The following PREX2 variants were observed in gnomAD, a reference collection of about 807,000 sequenced individuals.
PREX2 encodes the protein phosphatidylinositol-3,4,5-trisphosphate dependent Rac exchange factor 2.
Under a neutral mutation model 203.2 loss-of-function variants are expected in PREX2, and 107 were observed. The ratio of observed to expected loss-of-function variants is 0.53; its 90% confidence interval spans 0.45 to 0.62. The LOEUF is 0.62. Among genes scored for constraint, PREX2 ranks in the 20% least tolerant of loss-of-function variants. The pLI is 0.00. For missense variants in PREX2, 1,777 were observed against 1,955.9 expected (o/e 0.91, Z 1.72); for synonymous variants, 672 against 663.6 (o/e 1.01, Z -0.19).
intron 23 of PREX2, chr8:68,103,551 T>G: frequency 1.9e-6 from 1 of 518,930 alleles, no homozygotes; most frequent in Non-Finnish European, 3.8e-6. Context: ...ACTGTTCCCT[T>G]TCTTTGATCT....
At chr8:68,027,126 T>C (rs1807742397) in intron 4 of PREX2, 96 bp from the exon 5 acceptor site, 1 of 838,830 alleles carries the variant, frequency 1.2e-6, no homozygotes. Context: ...TATGAAGACA[T>C]ATGCTTTCAC....
intron 11 of PREX2, among the ~76,000 whole-genome samples, 174 bp from the exon 12 acceptor site, chr8:68,068,859 C>A (rs1276552042): frequency 6.6e-6 from 1 of 151,866 alleles, no homozygotes; most frequent in African/African-American, 2.4e-5. Flanking sequence ...AAAATATTAT[C>A]ATGAATCTTG....
chr8:68,127,523 A>T, intron 31 of PREX2, 104 bp downstream of exon 31: 1 of 739,672 alleles, frequency 1.4e-6, no homozygotes, highest in South Asian at 1.7e-5. Context: ...TTTACAAAAT[A>T]GAAATATGAT....
At chr8:68,087,938 C>G (rs1809749185) in intron 19 of PREX2, 129 bp downstream of exon 19, 4 of 720,876 alleles carry the variant, frequency 5.5e-6, no homozygotes, top group Non-Finnish European at 1.0e-5. Context: ...ACTGTATTAA[C>G]TCAATGGTAG....
chr8:68,126,300 A>C (rs950283269), intron 30 of PREX2, among the ~76,000 whole-genome samples: 1 of 152,134 alleles, frequency 6.6e-6, no homozygotes, highest in African/African-American at 2.4e-5. Flanking sequence ...CTTCACCTGT[A>C]TATAGGATTT....
In PREX2 at chr8:67,975,694, C is replaced by CTTTTTTTTTTTTTTTTTTTTTTTTTT. The variant is rs67614434; in HGVS notation, c.141+23161_141+23186dup. Among the ~76,000 whole-genome samples, 3 of 74,990 alleles carry CTTTTTTTTTTTTTTTTTTTTTTTTTT rather than the reference C, an allele frequency of 4.0e-5. 1 individual carries two copies. Among genetic ancestry groups the CTTTTTTTTTTTTTTTTTTTTTTTTTT allele is most frequent in the African/African-American group, 1.8e-4 (3 of 16,840 alleles). The allele number at this position is 74,990 out of a possible 152,430, so 49.2% of individuals were successfully genotyped here. Reference sequence around the variant, plus strand: ...TCAGGATAGTAACTGATTTCTCTTTCTTTTTTTTTTTTTTTTTTTTTTTTT... The same window carrying CTTTTTTTTTTTTTTTTTTTTTTTTTT: ...TCAGGATAGTAACTGATTTCTCTTTCTTTTTTTTTTTTTTTTTTTTTTTTTTTTTTTTTTTTTTTTTTTTTTTTTTT... On this transcript the variant is annotated intron_variant, in intron 1 of 39. Transcript: ENST00000288368.
rs61753700 is a variant in PREX2 at position 68,108,323 on chromosome 8, C to T, written c.2930C>T (p.Ser977Leu). The change falls in exon 24 of 40, where the codon TCG (serine) becomes TTG (leucine). Residue 977 changes from serine to leucine, a missense_variant. By Grantham distance (145) the Ser-to-Leu change is moderately radical. Coordinates refer to ENST00000288368, the MANE Select transcript of PREX2 (RefSeq NM_024870.4). ...HNSHDKENKS[S>L]EQGKLSPMVY... is the part of the protein sequence containing the mutation. The stretch of plus-strand genomic sequence containing the variant: ...TCTCATGATAAAGAAAACAAATCTT[C>T]GGAGCAAGGTATGCTAGCTTTTGCA... 11,559 of 1,612,524 alleles carry T rather than the reference C, an allele frequency of 7.2e-3. 68 individuals carry two copies. The highest frequency in any genetic ancestry group is 0.032 in the Middle Eastern group (192 of 6,052).
intron 23 of PREX2, chr8:68,106,135 G>A (rs1585798241): frequency 3.0e-6 from 1 of 334,284 alleles, no homozygotes; most frequent in Admixed American, 4.7e-5. Flanking sequence ...TGAATGGATG[G>A]ATAATTGTTT....
intron 1 of PREX2, among the ~76,000 whole-genome samples, chr8:67,960,172 G>C (rs11784559): frequency 6.6e-6 from 1 of 151,944 alleles, no homozygotes; most frequent in Non-Finnish European, 1.5e-5. Flanking sequence ...CTCCTGAGTA[G>C]CTGGGACTAC....
intron 1 of PREX2, among the ~76,000 whole-genome samples, chr8:67,990,497 GTT>G (rs34722724): frequency 0.021 from 3,059 of 143,436 alleles, 82 homozygotes; most frequent in African/African-American, 0.065. Flanking sequence ...CTCCCAGGTG[GTT>G]TTTTTTTTTT....
At chr8:68,037,277 T>C (rs927443837) in intron 6 of PREX2, among the ~76,000 whole-genome samples, 1 of 152,224 alleles carries the variant, frequency 6.6e-6, no homozygotes, top group Admixed American at 6.5e-5. Flanking sequence ...AGAGCACACA[T>C]ATAGATCTTT....
At chr8:68,118,776 A>C in intron 27 of PREX2, 132 bp downstream of exon 27, 2 of 778,666 alleles carry the variant, frequency 2.6e-6, no homozygotes, top group South Asian at 1.4e-5. Context: ...GTGGCCACAC[A>C]TACTGCATTT....
intron 35 of PREX2, among the ~76,000 whole-genome samples, chr8:68,167,895 C>A (rs1370193619): frequency 6.6e-6 from 1 of 152,132 alleles, no homozygotes; most frequent in Non-Finnish European, 1.5e-5. Flanking sequence ...AAAATATGAT[C>A]CCGAGACAAG....
At chr8:68,174,402 A>C (rs139593409) in intron 35 of PREX2, among the ~76,000 whole-genome samples, 1 of 152,310 alleles carries the variant, frequency 6.6e-6, no homozygotes, top group African/African-American at 2.4e-5. Flanking sequence ...GTAGGGGCAC[A>C]GTTCTCTGTT....
chr8:68,095,817 A>G (rs1432184152), intron 21 of PREX2, among the ~76,000 whole-genome samples: 1 of 151,782 alleles, frequency 6.6e-6, no homozygotes, highest in Non-Finnish European at 1.5e-5. Flanking sequence ...AATTTTTTAA[A>G]TTTTTGATAG....
chr8:67,979,090 G>C (rs1291014386), intron 1 of PREX2, among the ~76,000 whole-genome samples: 1 of 152,122 alleles, frequency 6.6e-6, no homozygotes, highest in Non-Finnish European at 1.5e-5. Flanking sequence ...GCGTGAGAAA[G>C]AAAATCACTT....
At chr8:68,010,244 A>G (rs1807220739) in intron 1 of PREX2, among the ~76,000 whole-genome samples, 1 of 152,218 alleles carries the variant, frequency 6.6e-6, no homozygotes, top group East Asian at 1.9e-4. Flanking sequence ...GAAAAGATCC[A>G]CTACATTGTG....
intron 35 of PREX2, among the ~76,000 whole-genome samples, chr8:68,159,754 A>C (rs1585835838): frequency 2.0e-5 from 3 of 152,344 alleles, no homozygotes; most frequent in African/African-American, 7.2e-5. Flanking sequence ...TTTCAGTAAA[A>C]GAACCAGTAT....
chr8:67,986,163 C>G (rs955392126), intron 1 of PREX2, among the ~76,000 whole-genome samples: 7 of 152,020 alleles, frequency 4.6e-5, no homozygotes, highest in African/African-American at 1.5e-4. Context: ...TTTGGGATAA[C>G]CAGGTTATAT....
Sources: gnomAD v4.1 joint callset for allele counts (sites outside exome capture counted in the v4.1 genomes callset) on GRCh38, gnomAD v4.1.1 for gene constraint, MANE v1.5 for transcripts, NCBI Gene and HGNC (gene_info 2026-07-23, HGNC 2026-07-21) for gene names.